Variants in AP1G1 observed in about 807,000 individuals in gnomAD.
The protein encoded by AP1G1 is adaptor related protein complex 1 subunit gamma 1.
In AP1G1, 7 loss-of-function variants were observed where a neutral mutation model predicts 108.3. The ratio of observed to expected loss-of-function variants is 0.06; its 90% CI spans 0.04 to 0.12. The LOEUF (loss-of-function observed/expected upper bound fraction) is 0.12, where lower values mean the gene tolerates loss of function less well. Ranked by LOEUF, AP1G1 falls within the 10% of genes least tolerant of loss-of-function variation. The pLI, the probability that AP1G1 is intolerant of heterozygous loss-of-function variation, is 1.00. For synonymous variants in AP1G1, 379 were observed against 353.5 expected, an observed-to-expected ratio of 1.07 and a Z score of -0.81; for missense variants, 756 against 1,010.7, an observed-to-expected ratio of 0.75 and a Z score of 3.42.
chr16:71,764,007 G>A (rs1430237462), intron 9 of AP1G1, among the ~76,000 whole-genome samples: 1 of 152,086 alleles, frequency 6.6e-6, no homozygotes, highest in Non-Finnish European at 1.5e-5. Flanking sequence ...CAAAATATCT[G>A]CCAAAATATT....
At chr16:71,793,252 A>G (rs1224900609) in intron 1 of AP1G1, among the ~76,000 whole-genome samples, 1 of 152,222 alleles carries the variant, frequency 6.6e-6, no homozygotes, top group Non-Finnish European at 1.5e-5. Context: ...CAGTAATGAA[A>G]CTATACAGAA....
chr16:71,791,667 C>T (rs1196247380), intron 1 of AP1G1, among the ~76,000 whole-genome samples: 1 of 100,726 alleles, frequency 9.9e-6, no homozygotes, highest in Admixed American at 1.1e-4. Flanking sequence ...GAGTGAGACC[C>T]TGTCTCAAAA....
At chr16:71,788,673 A>G (rs1476102950) in intron 2 of AP1G1, among the ~76,000 whole-genome samples, 1 of 151,946 alleles carries the variant, frequency 6.6e-6, no homozygotes, top group Admixed American at 6.6e-5. Context: ...TTTTTAAAAA[A>G]AAAAGAAATA....
At chr16:71,774,845 C>A (rs539464149) in intron 2 of AP1G1, among the ~76,000 whole-genome samples, 10 of 151,664 alleles carry the variant, frequency 6.6e-5, no homozygotes, top group Non-Finnish European at 1.5e-4. Flanking sequence ...CTCAGCCTCC[C>A]GAGTAGCTGG....
Position 71,773,128 on chromosome 16 carries a change from A to G in AP1G1, c.468+93T>C, listed in dbSNP as rs574521468. On this transcript the variant is annotated intron_variant, in intron 4 of 22. Transcript: ENST00000299980. ...TACTACACAGAAAAAATGACTTTAC[A>G]TTATCATCAGATCTTTCAAAAATGA... The G allele has an allele frequency of 2.7e-4, 383 of 1,394,938 alleles. No individual in the cohort carries two copies. The African/African-American group carries it at 3.6e-3, about 13-fold the overall frequency. 86.4% of individuals were successfully genotyped at this position (1,394,938 alleles called of 1,614,324 possible).
intron 6 of AP1G1, among the ~76,000 whole-genome samples, chr16:71,769,356 G>A (rs2031477715): frequency 6.6e-6 from 1 of 151,976 alleles, no homozygotes; most frequent in Non-Finnish European, 1.5e-5. Context: ...ACTCAAATGT[G>A]AAAACAGTAG....
intron 11 of AP1G1, 32 bp downstream of exon 11, chr16:71,758,776 C>T (rs761525813): frequency 5.1e-6 from 7 of 1,359,374 alleles, no homozygotes; most frequent in East Asian, 4.6e-5. Flanking sequence ...TTACCAAAAA[C>T]ACTAGACTGA....
At chr16:71,768,998 A>AAAAATT (rs1555554387) in intron 6 of AP1G1, among the ~76,000 whole-genome samples, 1 of 140,240 alleles carries the variant, frequency 7.1e-6, no homozygotes, top group African/African-American at 2.6e-5. Context: ...AAAAAAAAAA[A>AAAAATT]CAGGCCAGGA....
In AP1G1 at chr16:71,730,603, C is replaced by T. The variant is rs2045467314; in HGVS notation, c.*2455G>A. The stretch of plus-strand genomic sequence containing the variant: ...AGGCCAAGTGAGAGGAAAACTAATT[C>T]TGATCCTAGAAACTAAGGCACGCTG... On this transcript the variant is annotated 3_prime_UTR_variant, in exon 23 of 23. Coordinates refer to ENST00000299980, the MANE Select transcript of AP1G1 (RefSeq NM_001128.6). 1 of 152,628 alleles carries T rather than the reference C, an allele frequency of 6.6e-6. No homozygotes were observed. The highest frequency in any genetic ancestry group is 6.5e-5 in the Admixed American group (1 of 15,282). 9.5% of individuals were successfully genotyped at this position (152,628 alleles called of 1,614,324 possible). A position where few individuals can be genotyped will look rare whatever the true frequency, so the allele number is the denominator to read the frequency against.
chr16:71,772,139 T>TA (rs1255349666), intron 4 of AP1G1, among the ~76,000 whole-genome samples: 1 of 2,918 alleles, frequency 3.4e-4, no homozygotes, highest in African/African-American at 1.2e-3. Flanking sequence ...TTTTCTTTTC[T>TA]TTTTTTTTTG....
chr16:71,763,180 G>A (rs928472174), intron 9 of AP1G1, among the ~76,000 whole-genome samples: 7 of 152,180 alleles, frequency 4.6e-5, no homozygotes, highest in African/African-American at 2.4e-5. Flanking sequence ...GAGCAACAGG[G>A]AGAGACCCTG....
chr16:71,771,719 G>T (rs1312832407), intron 4 of AP1G1, among the ~76,000 whole-genome samples: 1 of 152,174 alleles, frequency 6.6e-6, no homozygotes, highest in East Asian at 1.9e-4. Context: ...AATTTATGTG[G>T]AGTTTTAAGG....
At chr16:71,747,310 A>C (rs765495311) in intron 16 of AP1G1, 4 of 152,240 alleles carry the variant, frequency 2.6e-5, no homozygotes, top group Non-Finnish European at 5.9e-5. Flanking sequence ...TCATGATTTT[A>C]TTCCTATTAA....
intron 4 of AP1G1, among the ~76,000 whole-genome samples, chr16:71,771,624 G>A (rs534639865): frequency 6.6e-6 from 1 of 152,158 alleles, no homozygotes; most frequent in Non-Finnish European, 1.5e-5. Context: ...CTCTCCCTTT[G>A]TTCATATATT....
chr16:71,780,137 G>A (rs761860793), intron 2 of AP1G1, among the ~76,000 whole-genome samples: 3 of 151,556 alleles, frequency 2.0e-5, no homozygotes, highest in Non-Finnish European at 4.4e-5. Flanking sequence ...AAGACTACAG[G>A]CACGCACCAC....
chr16:71,747,704 A>C (rs943313070), intron 16 of AP1G1, among the ~76,000 whole-genome samples: 1 of 152,166 alleles, frequency 6.6e-6, no homozygotes, highest in African/African-American at 2.4e-5. Flanking sequence ...CTTTTAGGCC[A>C]GGTGGAGTGG....
chr16:71,757,543 G>C, intron 11 of AP1G1, among the ~76,000 whole-genome samples: 1 of 152,126 alleles, frequency 6.6e-6, no homozygotes, highest in Middle Eastern at 3.4e-3. Flanking sequence ...AACTTTTATA[G>C]GGTGCTTATG....
At chr16:71,740,628 C>T (rs1188149412) in intron 19 of AP1G1, among the ~76,000 whole-genome samples, 1 of 152,158 alleles carries the variant, frequency 6.6e-6, no homozygotes, top group Non-Finnish European at 1.5e-5. Context: ...CTCATTCTCA[C>T]AATTACAATG....
At chr16:71,760,418 GCCTGTAAAC>G (rs1254074706) in intron 10 of AP1G1, among the ~76,000 whole-genome samples, 1 of 151,714 alleles carries the variant, frequency 6.6e-6, no homozygotes, top group African/African-American at 2.4e-5. Context: ...GGTGGCGTTC[GCCTGTAAAC>G]CCAGCTACTC....
Sources: allele counts gnomAD v4.1 joint callset (sites outside exome capture counted in the v4.1 genomes callset), GRCh38; gene constraint gnomAD v4.1.1; transcripts MANE v1.5; gene names NCBI Gene and HGNC (gene_info 2026-07-23, HGNC 2026-07-21).